The following CUX2 variants were observed in gnomAD, a reference collection of about 807,000 sequenced individuals.
CUX2 encodes homeobox protein cut-like 2.
Under a neutral mutation model 144.8 loss-of-function variants are expected in CUX2, and 40 were observed. The observed-to-expected ratio is 0.28, with a 90% CI of 0.21 to 0.36. The LOEUF is 0.36. CUX2 is among the 10% of genes least tolerant of loss of function. The pLI is 1.00. For missense variants in CUX2, 1,615 were observed against 1,994.0 expected (o/e 0.81, Z 3.62); for synonymous variants, 827 against 875.6 (o/e 0.94, Z 0.98).
At chr12:111,192,964 C>T (rs1188855551) in intron 1 of CUX2, among the ~76,000 whole-genome samples, 4 of 152,178 alleles carry the variant, frequency 2.6e-5, no homozygotes, top group Non-Finnish European at 5.9e-5. Context: ...CTGTGACCTA[C>T]CCAGACAAAG....
rs1269371781 is a variant in CUX2, at chr12:111,287,128, A to G, written c.302-4290A>G. Among the ~76,000 whole-genome samples the G allele has an allele frequency of 6.6e-6, 1 of 152,244 alleles. No individual in the cohort carries two copies. The highest frequency in any genetic ancestry group is 2.1e-4 in the South Asian group (1 of 4,832). ...GAGCCACCTGAGGCCAGCCTCCCCA[A>G]GACAGAGCACACAGCCAGCAAGGAA... On this transcript the variant is annotated intron_variant, in intron 4 of 21. Coordinates refer to ENST00000261726, the MANE Select transcript of CUX2 (RefSeq NM_015267.4). This position sits in a 1 kb window ranked among gnomAD's most constrained non-coding sequence, Gnocchi z 4.2.
intron 3 of CUX2, among the ~76,000 whole-genome samples, chr12:111,244,399 T>G (rs1191076627): frequency 6.6e-6 from 1 of 152,272 alleles, no homozygotes; most frequent in Non-Finnish European, 1.5e-5. Context: ...GAAGCCCAGC[T>G]GTGCTTTCTC....
intron 21 of CUX2, among the ~76,000 whole-genome samples, chr12:111,346,872 C>T (rs2136457488): frequency 6.6e-6 from 1 of 152,160 alleles, no homozygotes; most frequent in Admixed American, 6.5e-5. Flanking sequence ...ATTAGCCAGG[C>T]ATTGTGGCAC....
intron 1 of CUX2, among the ~76,000 whole-genome samples, chr12:111,110,879 C>G (rs1218990572): frequency 6.6e-6 from 1 of 152,188 alleles, no homozygotes; most frequent in Non-Finnish European, 1.5e-5. Context: ...AGTGTTTCAT[C>G]CCCAAGTCCC....
At chr12:111,324,160 C>T (rs112488575) in intron 18 of CUX2, among the ~76,000 whole-genome samples, 322 of 152,080 alleles carry the variant, frequency 2.1e-3, no homozygotes, top group African/African-American at 7.4e-3. Context: ...ACCAGTCTGG[C>T]CAACATGGTG....
chr12:111,063,045 T>G (rs1870850981), intron 1 of CUX2, among the ~76,000 whole-genome samples: 1 of 151,842 alleles, frequency 6.6e-6, no homozygotes, highest in South Asian at 2.1e-4. Context: ...TTGAAGGGGT[T>G]TGAGGACAGA....
intron 3 of CUX2, among the ~76,000 whole-genome samples, chr12:111,225,384 T>G (rs144063631): frequency 2.2e-3 from 336 of 152,128 alleles, no homozygotes; most frequent in African/African-American, 7.8e-3. Flanking sequence ...TGATGGTGAG[T>G]GGGAACTCGG....
chr12:111,095,942 T>C (rs1006921484), intron 1 of CUX2, among the ~76,000 whole-genome samples: 4 of 152,304 alleles, frequency 2.6e-5, no homozygotes, highest in Admixed American at 2.0e-4. Flanking sequence ...GTTGCTCTCA[T>C]GCATCTGCTC....
At chr12:111,294,605 A>G (rs1425877434) in intron 6 of CUX2, among the ~76,000 whole-genome samples, 1 of 148,710 alleles carries the variant, frequency 6.7e-6, no homozygotes, top group African/African-American at 2.5e-5. Flanking sequence ...AAAAAAAAAG[A>G]AAGAAAACAG....
At chr12:111,083,918 G>C (rs1359658049) in intron 1 of CUX2, among the ~76,000 whole-genome samples, 1 of 152,280 alleles carries the variant, frequency 6.6e-6, no homozygotes, top group African/African-American at 2.4e-5. Flanking sequence ...AGAACAACAA[G>C]CCAGCCCTTG....
intron 18 of CUX2, among the ~76,000 whole-genome samples, chr12:111,334,101 C>T (rs528476480): frequency 4.1e-4 from 61 of 150,502 alleles, no homozygotes; most frequent in Non-Finnish European, 8.0e-4. Flanking sequence ...GCAGGAGAAT[C>T]GCTTGAACCC....
intron 1 of CUX2, among the ~76,000 whole-genome samples, chr12:111,146,774 G>A (rs1876702715): frequency 6.6e-6 from 1 of 152,150 alleles, no homozygotes; most frequent in Non-Finnish European, 1.5e-5. Context: ...TAATAATTCT[G>A]TGTGACCTTG....
intron 4 of CUX2, among the ~76,000 whole-genome samples, chr12:111,272,551 G>A (rs1319626255): frequency 2.0e-5 from 3 of 152,132 alleles, no homozygotes; most frequent in Admixed American, 6.5e-5. Context: ...TGCAACCTCC[G>A]CCTCTAGGGT....
At chr12:111,197,914 C>G (rs145145440) in intron 1 of CUX2, among the ~76,000 whole-genome samples, 1 of 152,364 alleles carries the variant, frequency 6.6e-6, no homozygotes, top group Non-Finnish European at 1.5e-5. Flanking sequence ...AGTGCCCCCA[C>G]TCAAGCCTGT....
chr12:111,056,151 G>A (rs111312938), intron 1 of CUX2, among the ~76,000 whole-genome samples: 17 of 152,316 alleles, frequency 1.1e-4, no homozygotes, highest in South Asian at 8.3e-4. Flanking sequence ...TTCTCATGCC[G>A]GCCTCTTGGA....
At chr12:111,094,773 C>T (rs181583564) in intron 1 of CUX2, among the ~76,000 whole-genome samples, 26 of 152,316 alleles carry the variant, frequency 1.7e-4, no homozygotes, top group Non-Finnish European at 2.9e-4. Context: ...GCTGAGATGA[C>T]AGGCATGAGC....
chr12:111,261,011 G>C (rs11065845), intron 3 of CUX2, among the ~76,000 whole-genome samples: 1 of 152,132 alleles, frequency 6.6e-6, no homozygotes, highest in African/African-American at 2.4e-5. Flanking sequence ...GCAGCCTCTC[G>C]CCCAGGGCAG....
intron 1 of CUX2, among the ~76,000 whole-genome samples, chr12:111,090,349 C>T (rs1042991274): frequency 2.0e-5 from 3 of 152,058 alleles, no homozygotes; most frequent in South Asian, 2.1e-4. Flanking sequence ...CTGCAACCTC[C>T]GCCTCCTGGG....
chr12:111,237,348 T>C (rs947638723), intron 3 of CUX2, among the ~76,000 whole-genome samples: 1 of 152,172 alleles, frequency 6.6e-6, no homozygotes, highest in African/African-American at 2.4e-5. Context: ...CTAAGCCCCC[T>C]GGCAAATCCT....
Sources: allele counts gnomAD v4.1 joint callset (sites outside exome capture counted in the v4.1 genomes callset), GRCh38; gene constraint gnomAD v4.1.1; non-coding constraint Gnocchi (gnomAD v3.1); transcripts MANE v1.5; gene names NCBI Gene and HGNC (gene_info 2026-07-23, HGNC 2026-07-21).